The following GALNT13 variants were observed in gnomAD, a reference collection of about 807,000 sequenced individuals.
GALNT13 encodes polypeptide N-acetylgalactosaminyltransferase 13, also known as UDP-GalNAc:polypeptide N-acetylgalactosaminyltransferase 13.
In GALNT13, 28 loss-of-function variants were observed where a neutral mutation model predicts 64.2. That is an observed-to-expected ratio of 0.44 (90% CI 0.32 to 0.60). The LOEUF (loss-of-function observed/expected upper bound fraction) is 0.60, where lower values mean the gene tolerates loss of function less well. GALNT13 is among the 20% of genes least tolerant of loss of function. The probability of loss-of-function intolerance (pLI) is 0.05; values close to 1 mark genes in which losing one functional copy is unlikely to be tolerated. For synonymous variants in GALNT13, 214 were observed against 224.6 expected (o/e 0.95, Z 0.42); for missense variants, 577 against 669.8 (o/e 0.86, Z 1.53).
chr2:153,672,816 C>A, the GALNT13 span, among the ~76,000 whole-genome samples: 3 of 146,076 alleles, frequency 2.1e-5, no homozygotes, highest in African/African-American at 5.1e-5. Context: ...GCTAGCAAGA[C>A]TAATAAAGAA....
the GALNT13 span, among the ~76,000 whole-genome samples, chr2:153,564,187 A>AT: frequency 7.3e-5 from 10 of 136,518 alleles, no homozygotes; most frequent in Non-Finnish European, 1.3e-4. Flanking sequence ...ATGTCCATGG[A>AT]TTTTTTATAT....
At chr2:154,222,796 A>G (rs1345808082) in intron 4 of GALNT13, among the ~76,000 whole-genome samples, 1 of 152,150 alleles carries the variant, frequency 6.6e-6, no homozygotes, top group East Asian at 1.9e-4. Context: ...GCATGAGTTC[A>G]TGGAGTAAGT....
At chr2:154,444,353 C>A (rs1701456663) in intron 12 of GALNT13, among the ~76,000 whole-genome samples, 1 of 151,604 alleles carries the variant, frequency 6.6e-6, no homozygotes, top group African/African-American at 2.4e-5. Context: ...GAAATGTAGC[C>A]AAAGAAAATG....
At chr2:153,235,578 A>G in the GALNT13 span, among the ~76,000 whole-genome samples, 12 of 152,150 alleles carry the variant, frequency 7.9e-5, no homozygotes, top group Non-Finnish European at 1.5e-4. Context: ...CATCTTTTTT[A>G]CTATTATAGT....
chr2:153,747,382 T>A, the GALNT13 span, among the ~76,000 whole-genome samples: 1 of 150,814 alleles, frequency 6.6e-6, no homozygotes, highest in South Asian at 2.1e-4. Flanking sequence ...CAGCCTCTGG[T>A]AATCATTTTT....
At chr2:153,285,973 T>A in the GALNT13 span, among the ~76,000 whole-genome samples, 2 of 152,050 alleles carry the variant, frequency 1.3e-5, no homozygotes, top group African/African-American at 4.8e-5. Context: ...GAGAATAAAT[T>A]CAAGAATTGT....
chr2:153,154,760 A>G, the GALNT13 span, among the ~76,000 whole-genome samples: 3 of 152,208 alleles, frequency 2.0e-5, no homozygotes, highest in South Asian at 2.1e-4. Flanking sequence ...AGAACTTCCA[A>G]TTCTATGTTG....
At chr2:154,024,335 A>G (rs867563735) in intron 3 of GALNT13, among the ~76,000 whole-genome samples, 8 of 152,158 alleles carry the variant, frequency 5.3e-5, no homozygotes, top group African/African-American at 7.2e-5. Context: ...AGGTACACCA[A>G]TCAGACATAG....
intron 9 of GALNT13, among the ~76,000 whole-genome samples, chr2:154,354,090 T>C (rs898143280): frequency 5.3e-5 from 8 of 152,178 alleles, no homozygotes; most frequent in African/African-American, 1.7e-4. Context: ...GTCTCATTGA[T>C]AAGAGCCATA....
chr2:153,944,229 C>G (rs186351949), intron 2 of GALNT13, among the ~76,000 whole-genome samples, 165 bp from the exon 3 acceptor site: 16 of 152,172 alleles, frequency 1.1e-4, no homozygotes, highest in Admixed American at 3.3e-4. Context: ...AGCCAACTAG[C>G]TTGCTAGCAA....
the GALNT13 span, among the ~76,000 whole-genome samples, chr2:153,083,129 T>C: frequency 3.3e-5 from 5 of 152,186 alleles, no homozygotes; most frequent in Admixed American, 2.0e-4. Context: ...GCCCAGTGAG[T>C]TTCATATATT....
At chr2:154,171,412 A>G (rs1421651148) in intron 4 of GALNT13, among the ~76,000 whole-genome samples, 3 of 152,128 alleles carry the variant, frequency 2.0e-5, no homozygotes, top group African/African-American at 7.2e-5. Context: ...TGTGTTTTCA[A>G]TTTATAAAAA....
chr2:153,237,943 C>A, the GALNT13 span, among the ~76,000 whole-genome samples: 1 of 152,036 alleles, frequency 6.6e-6, no homozygotes, highest in African/African-American at 2.4e-5. Context: ...AATTTACATG[C>A]CCACCACCAG....
the GALNT13 span, among the ~76,000 whole-genome samples, chr2:153,835,206 C>T: frequency 1.3e-5 from 2 of 151,966 alleles, no homozygotes; most frequent in East Asian, 1.9e-4. Flanking sequence ...TTAAAAGAAC[C>T]TGAACCAAGC....
chr2:153,899,693 G>C (rs1688100887), intron 1 of GALNT13, among the ~76,000 whole-genome samples: 1 of 151,966 alleles, frequency 6.6e-6, no homozygotes, highest in Admixed American at 6.6e-5. Context: ...TTTGGTTACA[G>C]TTGGTTTTGG....
intron 4 of GALNT13, among the ~76,000 whole-genome samples, chr2:154,153,743 G>A (rs941409990): frequency 6.6e-6 from 1 of 152,236 alleles, no homozygotes; most frequent in Non-Finnish European, 1.5e-5. Context: ...GCCAGGTGCA[G>A]GATATAATCT....
intron 4 of GALNT13, among the ~76,000 whole-genome samples, chr2:154,164,694 A>G (rs940245230): frequency 6.6e-5 from 10 of 152,156 alleles, no homozygotes; most frequent in Non-Finnish European, 1.3e-4. Flanking sequence ...TAAGGAACAT[A>G]AGAAAACGTG....
At chr2:154,295,047 A>G (rs1019286018) in intron 8 of GALNT13, among the ~76,000 whole-genome samples, 1 of 152,158 alleles carries the variant, frequency 6.6e-6, no homozygotes, top group African/African-American at 2.4e-5. Flanking sequence ...CCCACAACCT[A>G]TGGGAGGACC....
the GALNT13 span, among the ~76,000 whole-genome samples, chr2:153,169,455 T>C: frequency 6.6e-6 from 1 of 152,334 alleles, no homozygotes; most frequent in South Asian, 2.1e-4. Context: ...GAAGCATGAC[T>C]CATTCCTGAA....
Sources: gnomAD v4.1 joint callset for allele counts (sites outside exome capture counted in the v4.1 genomes callset) on GRCh38, gnomAD v4.1.1 for gene constraint, MANE v1.5 for transcripts, NCBI Gene and HGNC (gene_info 2026-07-23, HGNC 2026-07-21) for gene names.